The following SPG21 variants were observed in gnomAD, a reference collection of about 807,000 sequenced individuals.
SPG21 encodes the protein maspardin.
Under a neutral mutation model 38.9 loss-of-function variants are expected in SPG21, and 26 were observed. The observed-to-expected ratio is 0.67, with a 90% CI of 0.49 to 0.93. The LOEUF is 0.93. SPG21 is among the 40% of genes least tolerant of loss of function. The probability of loss-of-function intolerance (pLI) is 0.00; values close to 1 mark genes in which losing one functional copy is unlikely to be tolerated. For missense variants in SPG21, 333 were observed against 376.5 expected (o/e 0.88, Z 0.96); for synonymous variants, 136 against 128.9 (o/e 1.05, Z -0.37).
Position 64,983,609 on chromosome 15 carries a change from G to A in SPG21, c.-24-16C>T. 3.5e-6 allele frequency: 5 copies of A among 1,415,284 alleles called. No homozygotes were observed. The highest frequency in any genetic ancestry group is 4.9e-6 in the Non-Finnish European group (5 of 1,020,392). The allele number at this position is 1,415,284 out of a possible 1,614,324, so 87.7% of individuals were successfully genotyped here. On this transcript the variant is annotated splice_polypyrimidine_tract_variant and intron_variant, in intron 1 of 8. Transcript: ENST00000204566. ...GAGGTTAATCCTGAAATAAAAGCAT[G>A]TGATATTTCACGTCAAGAATTCATG...
chr15:64,970,889 G>T (rs1478275768), intron 5 of SPG21, among the ~76,000 whole-genome samples: 1 of 151,960 alleles, frequency 6.6e-6, no homozygotes, highest in Admixed American at 6.6e-5. Flanking sequence ...ACAGGCACAT[G>T]CCACCACGCC....
chr15:64,963,652 C>A lies in SPG21; in HGVS notation c.895G>T (p.Gly299Cys), dbSNP rs1014842139. ...TCCTCCTGGCTGATGCCAAGGCTGCCTTTCTGCACCTCAAGCTCCTCGGCA... is the reference window on the plus strand; with the variant it reads ...TCCTCCTGGCTGATGCCAAGGCTGCATTTCTGCACCTCAAGCTCCTCGGCA... ...VSAEELEVQK[G>C]SLGISQEEQ The change falls in exon 9 of 9, where the codon GGC becomes TGC. Residue 299 changes from glycine (G) to cysteine (C), a missense_variant. Transcript: ENST00000204566. The A allele has an allele frequency of 6.2e-7, 1 of 1,614,138 alleles. No homozygotes were observed.
chr15:64,983,469 G>T, intron 2 of SPG21, 38 bp downstream of exon 2: 1 of 1,407,344 alleles, frequency 7.1e-7, no homozygotes, highest in Non-Finnish European at 9.9e-7. Context: ...AACAATACAA[G>T]ATTTTGCAAA....
chr15:64,974,461 CAAGA>C (rs2085735763), intron 5 of SPG21, 137 bp downstream of exon 5: 1 of 968,526 alleles, frequency 1.0e-6, no homozygotes, highest in Non-Finnish European at 1.5e-6. Flanking sequence ...GGTGACAGAG[CAAGA>C]CTCTGTCTCA....
chr15:64,983,723 T>C lies in SPG21; in HGVS notation c.-24-130A>G, dbSNP rs1267213513. 21 of 631,854 alleles carry C rather than the reference T, an allele frequency of 3.3e-5. No homozygotes were observed. In the Middle Eastern group the frequency reaches 1.7e-3, roughly 52 times the overall value. The allele number at this position is 631,854 out of a possible 1,614,324, so 39.1% of individuals were successfully genotyped here. On this transcript the variant is annotated intron_variant, in intron 1 of 8. Coordinates refer to ENST00000204566, the MANE Select transcript of SPG21 (RefSeq NM_016630.7). ...CCAAGGAAACTGGCTATTTTGTCAG[T>C]ATATAGTCCAACTACAGAAAACAAT...
intron 1 of SPG21, among the ~76,000 whole-genome samples, chr15:64,986,755 A>C (rs1566933663): frequency 1.3e-5 from 2 of 152,190 alleles, no homozygotes; most frequent in Non-Finnish European, 2.9e-5. Flanking sequence ...AGCCATTTTA[A>C]CTATAGGCTT....
intron 3 of SPG21, among the ~76,000 whole-genome samples, chr15:64,980,287 GCGT>G (rs996174737): frequency 6.6e-6 from 1 of 152,162 alleles, no homozygotes; most frequent in African/African-American, 2.4e-5. Context: ...TGAGAGAAGG[GCGT>G]CAGGAGAGAA....
chr15:64,978,720 G>GCTA (rs2085830860), intron 3 of SPG21, among the ~76,000 whole-genome samples: 1 of 152,138 alleles, frequency 6.6e-6, no homozygotes, highest in Non-Finnish European at 1.5e-5. Context: ...AAAAGAAAGG[G>GCTA]GATGATACTT....
chr15:64,966,754 C>T (rs1595867033), intron 7 of SPG21, among the ~76,000 whole-genome samples: 1 of 152,008 alleles, frequency 6.6e-6, no homozygotes, highest in Non-Finnish European at 1.5e-5. Flanking sequence ...AAAAAATTAG[C>T]TGGGCGTGGT....
intron 2 of SPG21, chr15:64,981,569 G>C (rs1028025127): frequency 6.5e-6 from 1 of 153,686 alleles, no homozygotes; most frequent in Non-Finnish European, 1.4e-5. Flanking sequence ...GATTACAGGC[G>C]TGAGCCACTG....
chr15:64,964,761 G>A (rs112559158), intron 8 of SPG21, among the ~76,000 whole-genome samples: 2 of 152,012 alleles, frequency 1.3e-5, no homozygotes. Flanking sequence ...CTCCCGAGTA[G>A]CTGGGACTAC....
At chr15:64,977,296 C>CTCAA (rs2085798360) in intron 3 of SPG21, among the ~76,000 whole-genome samples, 1 of 152,238 alleles carries the variant, frequency 6.6e-6, no homozygotes. Context: ...AACTCCTGAC[C>CTCAA]TCAAGTGATC....
At chr15:64,983,271 T>G (rs372428177) in intron 2 of SPG21, 1 of 209,056 alleles carries the variant, frequency 4.8e-6, no homozygotes, top group African/African-American at 2.3e-5. Context: ...CAAAAATAAA[T>G]ATAAATAAAT....
chr15:64,963,730 A>T lies in SPG21; in HGVS notation c.817T>A (p.Leu273Met), dbSNP rs556900001. The T allele has an allele frequency of 6.2e-7, 1 of 1,613,456 alleles. No individual in the cohort carries two copies. The highest frequency in any genetic ancestry group is 1.1e-5 in the South Asian group (1 of 91,054). ...TATTTGGTTCCATGGAATTGCAGCAAATGTATCTGTTGAAATGCAGAATCA... is the reference window on the plus strand; with the variant it reads ...TATTTGGTTCCATGGAATTGCAGCATATGTATCTGTTGAAATGCAGAATCA... ...AEVNLYVQIHLLQFHGTKYAA... is the reference protein window; with the variant it reads ...AEVNLYVQIHMLQFHGTKYAA... Residue 273 changes from leucine to methionine, a missense_variant, in exon 9 of 9, where the codon TTG (leucine) becomes ATG (methionine). By Grantham distance (15) the Leu-to-Met change is conservative. Transcript: ENST00000204566.
chr15:64,984,885 G>T (rs1339225740), intron 1 of SPG21, among the ~76,000 whole-genome samples: 1 of 151,894 alleles, frequency 6.6e-6, no homozygotes, highest in Admixed American at 6.6e-5. Context: ...GAGTAGCTGG[G>T]ATTACAGGCA....
chr15:64,976,997 G>A (rs931925677), intron 3 of SPG21, among the ~76,000 whole-genome samples: 1 of 152,160 alleles, frequency 6.6e-6, no homozygotes, highest in African/African-American at 2.4e-5. Flanking sequence ...TTCTTTAAGA[G>A]GGTATTCAGT....
Position 64,989,849 on chromosome 15 carries a change from G to A in SPG21, c.-209C>T, listed in dbSNP as rs893288487. ...CGGCCTCTGAGGGGGCGGGGCGCGT[G>A]GCCGAGCGAGCTTGGGCCGCCGCGC... is the stretch of plus-strand genomic sequence containing the variant. On this transcript the variant is annotated 5_prime_UTR_variant, in exon 1 of 9. Transcript: ENST00000204566. 6.6e-6 allele frequency: 1 copy of A among 151,956 alleles called. No homozygotes were observed. Among genetic ancestry groups the A allele is most frequent in the Non-Finnish European group, 1.5e-5 (1 of 67,980 alleles). 9.4% of individuals were successfully genotyped at this position (151,956 alleles called of 1,614,324 possible).
At chr15:64,976,830 G>T (rs541067523) in intron 3 of SPG21, among the ~76,000 whole-genome samples, 1 of 152,224 alleles carries the variant, frequency 6.6e-6, no homozygotes, top group Admixed American at 6.5e-5. Flanking sequence ...TTTCTAAATA[G>T]CTGAAAAAGT....
At chr15:64,971,216 CCTGA>C (rs937551305) in intron 5 of SPG21, among the ~76,000 whole-genome samples, 1 of 152,034 alleles carries the variant, frequency 6.6e-6, no homozygotes, top group South Asian at 2.1e-4. Flanking sequence ...TACCACCAGG[CCTGA>C]CTAATTTTTT....
Sources: gnomAD v4.1 joint callset for allele counts (sites outside exome capture counted in the v4.1 genomes callset) on GRCh38, gnomAD v4.1.1 for gene constraint, MANE v1.5 for transcripts, NCBI Gene and HGNC (gene_info 2026-07-23, HGNC 2026-07-21) for gene names.